Variants in CRAT observed in about 807,000 individuals in gnomAD.
CRAT encodes the protein carnitine acetylase.
A neutral mutation model predicts 73.7 loss-of-function variants in CRAT; 66 were observed. The ratio of observed to expected loss-of-function variants is 0.90; its 90% CI spans 0.73 to 1.10. The LOEUF is 1.10. Ranked by LOEUF, CRAT falls within the 50% of genes least tolerant of loss-of-function variation. The probability of loss-of-function intolerance (pLI) is 0.00; values close to 1 mark genes in which losing one functional copy is unlikely to be tolerated. For missense variants in CRAT, 745 were observed against 846.9 expected (o/e 0.88, Z 1.49); for synonymous variants, 321 against 343.2 (o/e 0.94, Z 0.71).
At position 129,100,665 on chromosome 9, in the gene CRAT, C is replaced by T. The variant is rs146338921; in HGVS notation, c.830G>A (p.Arg277His). Residue 277 changes from arginine to histidine, a missense_variant, in exon 7 of 14, where the codon CGC becomes CAC. Arg to His is a conservative substitution (Grantham distance 29). Transcript: ENST00000318080. ...GGTGAAGATGCTCTTCTGGATGGAG[C>T]GCACGGAATCCCGGTTCACCTTGTC... ...IKDKVNRDSV[R>H]SIQKSIFTVC... 1,012 of 1,613,632 alleles carry T rather than the reference C, an allele frequency of 6.3e-4. 1 individual carries two copies. The highest frequency in any genetic ancestry group is 8.0e-4 in the Non-Finnish European group (944 of 1,179,796).
In CRAT at chr9:129,108,973, C is replaced by T. The variant is rs927082528; in HGVS notation, c.28-896G>A. 5.6e-5 allele frequency: 69 copies of T among 1,231,826 alleles called. No individual in the cohort carries two copies. In the East Asian group the frequency reaches 7.4e-4, roughly 13 times the overall value. 76.3% of individuals were successfully genotyped at this position (1,231,826 alleles called of 1,614,324 possible). A position where few individuals can be genotyped will look rare whatever the true frequency, so the allele number is the denominator to read the frequency against. On this transcript the variant is annotated intron_variant, in intron 1 of 13. Transcript: ENST00000318080. The stretch of plus-strand genomic sequence containing the variant: ...GCAGTGGCGATGGCTGTGGTGGAAT[C>T]GGGGGTTGTGGCAGTGGCAGGGGAA...
At chr9:129,102,122 C>T (rs1476024251) in intron 5 of CRAT, 65 bp from the exon 6 acceptor site, 12 of 1,526,168 alleles carry the variant, frequency 7.9e-6, no homozygotes, top group Non-Finnish European at 1.1e-5. Context: ...GAGCAGCCAC[C>T]TCCCCACACC....
Position 129,099,865 on chromosome 9 carries a change from C to G in CRAT, c.1085+1G>C, listed in dbSNP as rs767404137. 2 of 1,611,118 alleles carry G rather than the reference C, an allele frequency of 1.2e-6. No homozygotes were observed. The highest frequency in any genetic ancestry group is 1.7e-6 in the Non-Finnish European group (2 of 1,177,752). ...TAGGCGAGAGATGTGACTGTACTCACGTGTACTCGATGACATAGTCCAGAA... is the reference window on the plus strand; with the variant it reads ...TAGGCGAGAGATGTGACTGTACTCAGGTGTACTCGATGACATAGTCCAGAA... On this transcript the variant is annotated splice_donor_variant, in intron 8 of 13. Coordinates refer to ENST00000318080, the MANE Select transcript of CRAT (RefSeq NM_000755.5). LOFTEE classifies it high-confidence loss of function.
chr9:129,096,754 C>G (rs559281829), intron 12 of CRAT, among the ~76,000 whole-genome samples: 24 of 152,236 alleles, frequency 1.6e-4, no homozygotes, highest in Non-Finnish European at 3.4e-4. Context: ...TGGGCCCAGG[C>G]TGGGTTTCTC....
In CRAT at chr9:129,107,817, G is replaced by C. The variant is rs747784734; in HGVS notation, c.288C>G (p.Asn96Lys). 6.2e-7 allele frequency: 1 copy of C among 1,613,118 alleles called. No homozygotes were observed. Among genetic ancestry groups the C allele is most frequent in the East Asian group, 2.2e-5 (1 of 44,886 alleles). Reference protein sequence around the residue: ...GLERRARKTENWLSEWWLKTA... With the variant: ...GLERRARKTEKWLSEWWLKTA... The stretch of plus-strand genomic sequence containing the variant: ...CAGTGAGGATGCCCTCACTCACCCA[G>C]TTCTCCGTCTTCCTGGCCCGACGCT... Residue 96 changes from asparagine to lysine, a missense_variant, in exon 2 of 14, where the codon AAC becomes AAG. Physicochemically the swap from Asn to Lys is moderately conservative, Grantham distance 94. Transcript: ENST00000318080. The surrounding 1 kb of genome is among the most constrained non-coding windows in gnomAD (Gnocchi z 5.0).
At position 129,094,955 on chromosome 9, in the gene CRAT, C is replaced by T. The variant is rs17486052; in HGVS notation, c.*442G>A. On this transcript the variant is annotated 3_prime_UTR_variant, in exon 14 of 14. Transcript: ENST00000318080. ...GGTGAAACCTCACACCCTGGCCCCTCGGCCCCAGACAATCCTGTCTCCAGG... is the reference window on the plus strand; with the variant it reads ...GGTGAAACCTCACACCCTGGCCCCTTGGCCCCAGACAATCCTGTCTCCAGG... The T allele has an allele frequency of 0.031, 6,125 of 196,370 alleles. 401 individuals are homozygous for T. The highest frequency in any genetic ancestry group is 0.14 in the African/African-American group (5,794 of 42,628). 12.2% of individuals were successfully genotyped at this position (196,370 alleles called of 1,614,324 possible).
At chr9:129,105,291 A>G (rs569183519) in intron 2 of CRAT, among the ~76,000 whole-genome samples, 33 of 152,234 alleles carry the variant, frequency 2.2e-4, no homozygotes, top group Non-Finnish European at 4.1e-4. Context: ...ATAGAAAGGA[A>G]AAAAGGGAAG....
At chr9:129,104,362 T>G in intron 2 of CRAT, 56 bp from the exon 3 acceptor site, 1 of 1,396,780 alleles carries the variant, frequency 7.2e-7, no homozygotes, top group Non-Finnish European at 1.0e-6. Flanking sequence ...GTGCCCCCTG[T>G]TCCCCAGGGC....
chr9:129,100,068 T>C, intron 7 of CRAT, 102 bp from the exon 8 acceptor site: 1 of 826,056 alleles, frequency 1.2e-6, no homozygotes, highest in Non-Finnish European at 2.0e-6. Context: ...TGAAGCCATC[T>C]CAAGGGGCTA....
rs1272479219 is a variant in CRAT at position 129,110,703 on chromosome 9, C to T, written c.-194G>A. The T allele has an allele frequency of 1.5e-6, 1 of 677,656 alleles. No individual in the cohort carries two copies. Among genetic ancestry groups the T allele is most frequent in the South Asian group, 2.3e-5 (1 of 43,602 alleles). The allele number at this position is 677,656 out of a possible 1,614,324, so 42.0% of individuals were successfully genotyped here. A position where few individuals can be genotyped will look rare whatever the true frequency, so the allele number is the denominator to read the frequency against. ...GGCCGAGCGGGCTGCGGGAAGGCAC[C>T]CGGGGAGGAGGACTCGCGAGGCGGG... On this transcript the variant is annotated 5_prime_UTR_variant, in exon 1 of 14. Coordinates refer to ENST00000318080, the MANE Select transcript of CRAT (RefSeq NM_000755.5). The surrounding 1 kb of genome is among the most constrained non-coding windows in gnomAD (Gnocchi z 5.3).
intron 1 of CRAT, chr9:129,109,184 A>G (rs1848215688): frequency 7.7e-7 from 1 of 1,304,130 alleles, no homozygotes; most frequent in African/African-American, 1.5e-5. Context: ...TCCACCTGTC[A>G]GAATCTGCGA....
At chr9:129,104,812 G>T (rs1008445160) in intron 2 of CRAT, among the ~76,000 whole-genome samples, 5 of 151,312 alleles carry the variant, frequency 3.3e-5, no homozygotes, top group Non-Finnish European at 5.9e-5. Flanking sequence ...CACCGTGTTA[G>T]CCAGGATGGT....
In CRAT at chr9:129,100,431, C is replaced by T. The variant is rs900880039; in HGVS notation, c.984+80G>A. The T allele has an allele frequency of 1.5e-4, 225 of 1,478,432 alleles. 1 individual carries two copies. The East Asian group carries it at 4.2e-3, about 27-fold the overall frequency. The allele number at this position is 1,478,432 out of a possible 1,614,324, so 91.6% of individuals were successfully genotyped here. A position where few individuals can be genotyped will look rare whatever the true frequency, so the allele number is the denominator to read the frequency against. On this transcript the variant is annotated intron_variant, in intron 7 of 13. Transcript: ENST00000318080. ...AGCTAGGAGGCTGGGGACGCAGGGC[C>T]GGGGACGGGCAGGAAGTCCCGAGGC...
At chr9:129,105,331 C>CT (rs960539230) in intron 2 of CRAT, among the ~76,000 whole-genome samples, 10 of 151,314 alleles carry the variant, frequency 6.6e-5, no homozygotes, top group Non-Finnish European at 1.5e-4. Flanking sequence ...CAATGAGTGA[C>CT]TTTTTTTTTG....
In CRAT at chr9:129,100,618, G is replaced by A; in HGVS notation, c.877C>T (p.Pro293Ser). Residue 293 changes from proline to serine, a missense_variant, in exon 7 of 14, where the codon CCC (proline) becomes TCC (serine). Transcript: ENST00000318080. ...IFTVCLDATM[P>S]RVSEDVYRSH... ...CGGTACACGTCTTCTGAGACCCTGG[G>A]CATGGTTGCATCTAGGCACACGGTG... is the stretch of plus-strand genomic sequence containing the variant. 1 of 1,614,082 alleles carries A rather than the reference G, an allele frequency of 6.2e-7. No homozygotes were observed. The highest frequency in any genetic ancestry group is 8.5e-7 in the Non-Finnish European group (1 of 1,179,998).
At chr9:129,100,031 A>T in intron 7 of CRAT, 65 bp from the exon 8 acceptor site, 1 of 1,357,610 alleles carries the variant, frequency 7.4e-7, no homozygotes, top group Non-Finnish European at 1.0e-6. Context: ...TCACCCAACC[A>T]CTCTTTGGTT....
chr9:129,102,256 C>T lies in CRAT; in HGVS notation c.630+144G>A, dbSNP rs575696404. 22 of 1,299,278 alleles carry T rather than the reference C, an allele frequency of 1.7e-5. No individual in the cohort carries two copies. In the Admixed American group the frequency reaches 1.7e-4, roughly 10 times the overall value. The allele number at this position is 1,299,278 out of a possible 1,614,324, so 80.5% of individuals were successfully genotyped here. A position where few individuals can be genotyped will look rare whatever the true frequency, so the allele number is the denominator to read the frequency against. On this transcript the variant is annotated intron_variant, in intron 5 of 13. Coordinates refer to ENST00000318080, the MANE Select transcript of CRAT (RefSeq NM_000755.5). ...CGGCCCCTCCTGGCCTCCCTGGGCC[C>T]CCAATGGAGAAGCCAGGGGCGCCCA...
chr9:129,109,200 G>C, intron 1 of CRAT: 1 of 1,304,230 alleles, frequency 7.7e-7, no homozygotes, highest in Non-Finnish European at 1.0e-6. Context: ...TGCGAAGATC[G>C]TTTTGATGAG....
Position 129,106,992 on chromosome 9 carries a change from C to A in CRAT, c.291+822G>T, listed in dbSNP as rs1433455206. Reference sequence around the variant, plus strand: ...CTTGGGGGTGATGTCACCCCTCCCCCTCGCCTCTGGCTTCCACTCTGCCTC... The same window carrying A: ...CTTGGGGGTGATGTCACCCCTCCCCATCGCCTCTGGCTTCCACTCTGCCTC... On this transcript the variant is annotated intron_variant, in intron 2 of 13. Transcript: ENST00000318080. This position sits in a 1 kb window ranked among gnomAD's most constrained non-coding sequence, Gnocchi z 4.0. 1.3e-5 allele frequency among the ~76,000 whole-genome samples: 2 copies of A among 152,074 alleles called. No individual in the cohort carries two copies. Among genetic ancestry groups the A allele is most frequent in the Non-Finnish European group, 2.9e-5 (2 of 67,998 alleles).
Sources: allele counts gnomAD v4.1 joint callset (sites outside exome capture counted in the v4.1 genomes callset), GRCh38; gene constraint gnomAD v4.1.1; non-coding constraint Gnocchi (gnomAD v3.1); transcripts MANE v1.5; gene names NCBI Gene and HGNC (gene_info 2026-07-23, HGNC 2026-07-21).